Variants in DPP6 observed in about 807,000 individuals in gnomAD.
DPP6 encodes A-type potassium channel modulatory protein DPP6.
DPP6 carries 69 observed loss-of-function variants against 122.6 expected under a neutral mutation model. The observed-to-expected ratio is 0.56, with a 90% confidence interval of 0.46 to 0.69. The LOEUF is 0.69. DPP6 is among the 30% of genes least tolerant of loss of function. The pLI is 0.00. For synonymous variants in DPP6, 418 were observed against 433.1 expected (o/e 0.97, Z 0.43); for missense variants, 928 against 1,116.9 (o/e 0.83, Z 2.41).
intron 1 of DPP6, among the ~76,000 whole-genome samples, chr7:154,338,752 A>G (rs1809649995): frequency 6.6e-6 from 1 of 152,212 alleles, no homozygotes; most frequent in African/African-American, 2.4e-5. Flanking sequence ...GAAAACAACC[A>G]TTCTCACACT....
intron 16 of DPP6, among the ~76,000 whole-genome samples, chr7:154,847,103 G>T (rs1415858445): frequency 6.6e-6 from 1 of 152,306 alleles, no homozygotes; most frequent in Non-Finnish European, 1.5e-5. Context: ...GTGTTCCCAG[G>T]AGTGGAGCCC....
chr7:154,744,667 A>G (rs1842959925), intron 8 of DPP6, among the ~76,000 whole-genome samples: 1 of 152,212 alleles, frequency 6.6e-6, no homozygotes, highest in Non-Finnish European at 1.5e-5. Context: ...CACCTTGGAT[A>G]AAATATTTAG....
chr7:154,579,412 T>C (rs1030327936), intron 5 of DPP6, among the ~76,000 whole-genome samples: 7 of 152,178 alleles, frequency 4.6e-5, no homozygotes, highest in African/African-American at 1.7e-4. Flanking sequence ...TGAAGAAATA[T>C]GCAAGTACGA....
intron 1 of DPP6, among the ~76,000 whole-genome samples, chr7:154,020,030 T>C (rs1358184214): frequency 6.6e-6 from 1 of 152,148 alleles, no homozygotes. Context: ...TAGGTGTCTC[T>C]TGCTGACCAG....
intron 1 of DPP6, among the ~76,000 whole-genome samples, chr7:154,195,517 G>A (rs371602987): frequency 1.8e-4 from 27 of 152,216 alleles, no homozygotes; most frequent in African/African-American, 6.3e-4. Flanking sequence ...TGGGTAAACC[G>A]CATCAGGCTG....
At chr7:154,869,967 A>G (rs1804250472) in intron 18 of DPP6, among the ~76,000 whole-genome samples, 2 of 150,896 alleles carry the variant, frequency 1.3e-5, no homozygotes, top group Non-Finnish European at 2.9e-5. Flanking sequence ...GGTCTAGGAG[A>G]AAAAGAATAA....
At position 154,149,900 on chromosome 7, in the gene DPP6, A is replaced by G. The variant is rs1290020353; in HGVS notation, c.243+96837A>G. 4.6e-5 allele frequency among the ~76,000 whole-genome samples: 7 copies of G among 152,206 alleles called. No homozygotes were observed. In the East Asian group the frequency reaches 1.2e-3, roughly 25 times the overall value. ...CATGGGCAGCTCAGACCACCGGGAAAGTTCCAGCAGGCAGATACATTGCTT... is the reference window on the plus strand; with the variant it reads ...CATGGGCAGCTCAGACCACCGGGAAGGTTCCAGCAGGCAGATACATTGCTT... On this transcript the variant is annotated intron_variant, in intron 1 of 25. Transcript: ENST00000377770.
chr7:154,616,553 G>A (rs1390041156), intron 5 of DPP6, among the ~76,000 whole-genome samples: 2 of 152,182 alleles, frequency 1.3e-5, no homozygotes, highest in Non-Finnish European at 2.9e-5. Context: ...GAGACCATAG[G>A]CATAGAGAAA....
At chr7:154,488,682 C>T (rs991430080) in intron 3 of DPP6, among the ~76,000 whole-genome samples, 2 of 151,812 alleles carry the variant, frequency 1.3e-5, no homozygotes, top group East Asian at 1.9e-4. Flanking sequence ...GAAAGACAGG[C>T]GAGGCCATCG....
At position 154,483,744 on chromosome 7, in the gene DPP6, G is replaced by C. The variant is rs1823535513; in HGVS notation, c.457+8707G>C. 6.6e-6 allele frequency among the ~76,000 whole-genome samples: 1 copy of C among 152,204 alleles called. No individual in the cohort carries two copies. The highest frequency in any genetic ancestry group is 6.5e-5 in the Admixed American group (1 of 15,282). Reference sequence around the variant, plus strand: ...GAGTCTCGCTCTGTCGCCCAGGCTGGAGTGCAGTGGCACAATCTTGGCTCA... The same window carrying C: ...GAGTCTCGCTCTGTCGCCCAGGCTGCAGTGCAGTGGCACAATCTTGGCTCA... On this transcript the variant is annotated intron_variant, in intron 3 of 25. Coordinates refer to ENST00000377770, the MANE Select transcript of DPP6 (RefSeq NM_130797.4). This position sits in a 1 kb window ranked among gnomAD's most constrained non-coding sequence, Gnocchi z 8.1.
At chr7:154,684,913 T>A (rs927173148) in intron 7 of DPP6, among the ~76,000 whole-genome samples, 1 of 152,334 alleles carries the variant, frequency 6.6e-6, no homozygotes, top group Non-Finnish European at 1.5e-5. Flanking sequence ...GCTTAGGGAA[T>A]GCTGCCTTTT....
intron 8 of DPP6, among the ~76,000 whole-genome samples, chr7:154,734,373 G>A (rs1842481099): frequency 6.6e-6 from 1 of 151,416 alleles, no homozygotes; most frequent in African/African-American, 2.4e-5. Flanking sequence ...ATTGGGTTCT[G>A]CAAATATTAA....
chr7:153,869,365 G>C, the DPP6 span, among the ~76,000 whole-genome samples: 3 of 152,176 alleles, frequency 2.0e-5, no homozygotes, highest in Non-Finnish European at 1.5e-5. Flanking sequence ...ATTTAGGATA[G>C]TTAGCTCTTC....
chr7:154,217,576 A>G (rs1288984757), intron 1 of DPP6, among the ~76,000 whole-genome samples: 1 of 152,216 alleles, frequency 6.6e-6, no homozygotes. Context: ...ATAAAAGCCT[A>G]TGAGCTATCA....
intron 1 of DPP6, among the ~76,000 whole-genome samples, chr7:154,350,787 G>A (rs1368530382): frequency 1.3e-5 from 2 of 152,234 alleles, no homozygotes; most frequent in Non-Finnish European, 2.9e-5. Context: ...AGCTGAACAA[G>A]GAGACAGGAG....
At chr7:154,432,314 C>T (rs888873343) in intron 1 of DPP6, among the ~76,000 whole-genome samples, 27 of 152,220 alleles carry the variant, frequency 1.8e-4, no homozygotes, top group South Asian at 1.0e-3. Context: ...ATGGTTTTCA[C>T]GCATTCTGGT....
chr7:154,247,946 C>T (rs1802095565), intron 1 of DPP6, among the ~76,000 whole-genome samples: 1 of 152,084 alleles, frequency 6.6e-6, no homozygotes, highest in East Asian at 1.9e-4. Flanking sequence ...AACAAAGTGC[C>T]ATAGACTGGG....
At chr7:153,974,574 A>G (rs1796199371) in intron 1 of DPP6, among the ~76,000 whole-genome samples, 1 of 152,154 alleles carries the variant, frequency 6.6e-6, no homozygotes. Flanking sequence ...AGAGTATTCC[A>G]GTTAACTTAA....
chr7:154,503,670 T>G (rs1183502337), intron 3 of DPP6, among the ~76,000 whole-genome samples: 2 of 82,692 alleles, frequency 2.4e-5, no homozygotes, highest in African/African-American at 8.5e-5. Context: ...GCCACAACAT[T>G]TAAGATCAGC....
Sources: gnomAD v4.1 joint callset for allele counts (sites outside exome capture counted in the v4.1 genomes callset) on GRCh38, gnomAD v4.1.1 for gene constraint, Gnocchi (gnomAD v3.1) non-coding constraint, MANE v1.5 for transcripts, NCBI Gene and HGNC (gene_info 2026-07-23, HGNC 2026-07-21) for gene names.